ADAMTS18: variants seen among roughly 807,000 people sequenced by gnomAD.
ADAMTS18 encodes A disintegrin and metalloproteinase with thrombospondin motifs 18.
A neutral mutation model predicts 165.9 loss-of-function variants in ADAMTS18; 157 were observed. The observed-to-expected ratio is 0.95, with a 90% CI of 0.83 to 1.08. The LOEUF (loss-of-function observed/expected upper bound fraction) is 1.08, where lower values mean the gene tolerates loss of function less well. Among genes scored for constraint, ADAMTS18 ranks in the 50% least tolerant of loss-of-function variants. The pLI, the probability that ADAMTS18 is intolerant of heterozygous loss-of-function variation, is 0.00. For synonymous variants in ADAMTS18, 782 were observed against 578.2 expected, an observed-to-expected ratio of 1.35 and a Z score of -5.06; for missense variants, 2,040 against 1,534.0, an observed-to-expected ratio of 1.33 and a Z score of -5.51.
At chr16:77,434,304 A>T (rs2144874533) in intron 2 of ADAMTS18, 114 bp downstream of exon 2, 2 of 1,243,566 alleles carry the variant, frequency 1.6e-6, no homozygotes, top group South Asian at 1.3e-5. Context: ...TTTCCAAGAC[A>T]GCGCACACCT....
chr16:77,363,666 CTT>C (rs1454794181), intron 6 of ADAMTS18, 134 bp downstream of exon 6: 7 of 701,728 alleles, frequency 1.0e-5, no homozygotes, highest in Non-Finnish European at 1.7e-5. Context: ...TAAAATTGTA[CTT>C]TGAGGAGAGT....
In ADAMTS18 at chr16:77,291,364, G is replaced by C. The variant is rs749313275; in HGVS notation, c.3304C>G (p.Pro1102Ala). The C allele has an allele frequency of 6.2e-7, 1 of 1,614,196 alleles. No individual in the cohort carries two copies. Among genetic ancestry groups the C allele is most frequent in the African/African-American group, 1.3e-5 (1 of 75,042 alleles). The change falls in exon 21 of 23, where the codon CCA becomes GCA. Residue 1102 changes from proline to alanine, a missense_variant. Physicochemically the swap from Pro to Ala is conservative, Grantham distance 27. Transcript: ENST00000282849. ...CAGGTCTCTTCCAAGTCCAGATTTG[G>C]TTTCTTAATATTACGGCATCTTCGC... ...PERRCRNIKK[P>A]NLDLEETCNR...
At chr16:77,381,089 G>C (rs1257765668) in intron 3 of ADAMTS18, among the ~76,000 whole-genome samples, 1 of 152,020 alleles carries the variant, frequency 6.6e-6, no homozygotes, top group Admixed American at 6.6e-5. Context: ...GGTCAGGCTG[G>C]TCTCAAACTC....
chr16:77,432,779 A>AAC (rs2057754132), intron 2 of ADAMTS18, among the ~76,000 whole-genome samples: 1 of 151,948 alleles, frequency 6.6e-6, no homozygotes, highest in Non-Finnish European at 1.5e-5. Context: ...ATAAAAAAAA[A>AAC]AAAACTAAGG....
chr16:77,374,350 G>C (rs1304968904), intron 3 of ADAMTS18, among the ~76,000 whole-genome samples: 1 of 152,106 alleles, frequency 6.6e-6, no homozygotes, highest in African/African-American at 2.4e-5. Flanking sequence ...TAATGCACAT[G>C]AACTTGTCTA....
intron 12 of ADAMTS18, among the ~76,000 whole-genome samples, chr16:77,334,449 A>G (rs1293186007): frequency 2.7e-5 from 3 of 112,124 alleles, no homozygotes; most frequent in East Asian, 2.5e-4. Context: ...TATAGTATAT[A>G]TTATATAGTA....
At chr16:77,383,830 C>T (rs947743931) in intron 3 of ADAMTS18, among the ~76,000 whole-genome samples, 8 of 152,098 alleles carry the variant, frequency 5.3e-5, no homozygotes, top group African/African-American at 7.2e-5. Context: ...CCGGAGCCAC[C>T]GTGCCTGGCC....
chr16:77,411,410 G>A (rs1017865947), intron 3 of ADAMTS18, among the ~76,000 whole-genome samples: 17 of 152,210 alleles, frequency 1.1e-4, no homozygotes, highest in African/African-American at 3.1e-4. Context: ...CCTGCTTGGC[G>A]CTTGAGACAT....
At chr16:77,349,816 T>C (rs185702997) in intron 10 of ADAMTS18, among the ~76,000 whole-genome samples, 1 of 152,250 alleles carries the variant, frequency 6.6e-6, no homozygotes, top group Non-Finnish European at 1.5e-5. Flanking sequence ...TCCAATACAA[T>C]GCTCTCTAGA....
chr16:77,398,360 GAGAGAA>G (rs1436763865), intron 3 of ADAMTS18, among the ~76,000 whole-genome samples: 14 of 150,922 alleles, frequency 9.3e-5, no homozygotes, highest in Admixed American at 3.3e-4. Context: ...AATAAATAAA[GAGAGAA>G]AGAGAAAGAG....
chr16:77,360,057 G>A (rs1376703945), intron 7 of ADAMTS18, among the ~76,000 whole-genome samples: 4 of 152,158 alleles, frequency 2.6e-5, no homozygotes, highest in Admixed American at 6.5e-5. Context: ...CAGTGTGTGC[G>A]AACATCTTTC....
chr16:77,326,839 C>G (rs887162430), intron 12 of ADAMTS18, among the ~76,000 whole-genome samples: 2 of 152,156 alleles, frequency 1.3e-5, no homozygotes, highest in Admixed American at 6.5e-5. Flanking sequence ...AGCATAATAT[C>G]TGATATGTAG....
chr16:77,294,838 C>G, intron 19 of ADAMTS18, 85 bp downstream of exon 19: 1 of 1,312,064 alleles, frequency 7.6e-7, no homozygotes, highest in Non-Finnish European at 1.1e-6. Context: ...TGTAAACTGC[C>G]AAGAGCCCAG....
chr16:77,329,294 T>C (rs1347611636), intron 12 of ADAMTS18, among the ~76,000 whole-genome samples: 15 of 151,966 alleles, frequency 9.9e-5, no homozygotes, highest in Admixed American at 9.8e-4. Context: ...TTTATACAGA[T>C]GAGGGGCTGT....
At chr16:77,393,231 T>C (rs534361091) in intron 3 of ADAMTS18, among the ~76,000 whole-genome samples, 3 of 152,266 alleles carry the variant, frequency 2.0e-5, no homozygotes, top group African/African-American at 7.2e-5. Context: ...TGTGCAGCCC[T>C]CCTGGGTACA....
chr16:77,402,589 CA>C (rs1415878182), intron 3 of ADAMTS18, among the ~76,000 whole-genome samples: 1 of 152,190 alleles, frequency 6.6e-6, no homozygotes, highest in Non-Finnish European at 1.5e-5. Context: ...CACATTTAGG[CA>C]GAATGTAAAT....
At chr16:77,361,264 C>T (rs1420140324) in intron 7 of ADAMTS18, among the ~76,000 whole-genome samples, 1 of 152,120 alleles carries the variant, frequency 6.6e-6, no homozygotes, top group African/African-American at 2.4e-5. Context: ...AGTTTGCTGA[C>T]TCCTGATTTA....
chr16:77,341,448 TAG>T lies in ADAMTS18; in HGVS notation c.1710+254_1710+255del, dbSNP rs148784710. On this transcript the variant is annotated intron_variant, in intron 11 of 22. Coordinates refer to ENST00000282849, the MANE Select transcript of ADAMTS18 (RefSeq NM_199355.4). ...AATGAAACCTGTAAGCTCATTGAAA[TAG>T]AGATATTTTGAGCCAAGCCACCATC... Among the ~76,000 whole-genome samples, 547 of 151,964 alleles carry T rather than the reference TAG, an allele frequency of 3.6e-3. 6 individuals are homozygous for T. Among genetic ancestry groups the T allele is most frequent in the African/African-American group, 0.012 (516 of 41,416 alleles).
intron 15 of ADAMTS18, among the ~76,000 whole-genome samples, 184 bp downstream of exon 15, chr16:77,320,895 G>A (rs913409245): frequency 2.1e-4 from 32 of 152,158 alleles, no homozygotes; most frequent in African/African-American, 7.5e-4. Flanking sequence ...ATGTTTCTAC[G>A]AGGTAATGTA....
Sources: gnomAD v4.1 joint callset for allele counts (sites outside exome capture counted in the v4.1 genomes callset) on GRCh38, gnomAD v4.1.1 for gene constraint, MANE v1.5 for transcripts, NCBI Gene and HGNC (gene_info 2026-07-23, HGNC 2026-07-21) for gene names.